The following SNX14 variants were observed in gnomAD, a reference collection of about 807,000 sequenced individuals.
SNX14 encodes sorting nexin-14.
In SNX14, 93 loss-of-function variants were observed where a neutral mutation model predicts 133.8. The ratio of observed to expected loss-of-function variants is 0.70; its 90% confidence interval spans 0.59 to 0.83. The LOEUF is 0.83. Among genes scored for constraint, SNX14 ranks in the 40% least tolerant of loss-of-function variants. SNX14 has a pLI of 0.00. For synonymous variants in SNX14, 368 were observed against 365.6 expected, an observed-to-expected ratio of 1.01 and a Z score of -0.07; for missense variants, 945 against 1,094.9, an observed-to-expected ratio of 0.86 and a Z score of 1.93.
At chr6:85,580,086 C>G (rs1206479777) in intron 1 of SNX14, among the ~76,000 whole-genome samples, 2 of 152,200 alleles carry the variant, frequency 1.3e-5, no homozygotes, top group East Asian at 3.9e-4. Context: ...GACCCTTTCC[C>G]TCTGCTTGAG....
intron 23 of SNX14, among the ~76,000 whole-genome samples, chr6:85,516,413 G>A: frequency 6.6e-6 from 1 of 151,856 alleles, no homozygotes; most frequent in East Asian, 1.9e-4. Context: ...GAAGAATTTT[G>A]TAATTGTTAA....
chr6:85,593,356 G>A (rs1349213825), intron 1 of SNX14, among the ~76,000 whole-genome samples: 1 of 152,230 alleles, frequency 6.6e-6, no homozygotes, highest in East Asian at 1.9e-4. Context: ...TAGCTCAGGA[G>A]ACGAAGCCTC....
At chr6:85,534,426 GCA>G (rs745551897) in intron 17 of SNX14, among the ~76,000 whole-genome samples, 7 of 152,164 alleles carry the variant, frequency 4.6e-5, no homozygotes, top group Admixed American at 1.3e-4. Context: ...CTTAGAACTA[GCA>G]CAGTGTCTTC....
intron 26 of SNX14, among the ~76,000 whole-genome samples, chr6:85,510,200 T>G (rs1772317381): frequency 6.6e-6 from 1 of 152,198 alleles, no homozygotes; most frequent in Non-Finnish European, 1.5e-5. Context: ...TGCTTAGTTT[T>G]GTAAGAAACT....
intron 4 of SNX14, among the ~76,000 whole-genome samples, chr6:85,568,955 GCTTTT>G (rs1401818695): frequency 6.6e-6 from 1 of 151,554 alleles, no homozygotes; most frequent in Non-Finnish European, 1.5e-5. Context: ...CCTAAGTAGT[GCTTTT>G]CTTTTCTTTT....
intron 9 of SNX14, among the ~76,000 whole-genome samples, chr6:85,548,085 G>C (rs982727544): frequency 3.9e-5 from 6 of 152,172 alleles, no homozygotes; most frequent in East Asian, 1.9e-4. Context: ...GGTTGCCAGG[G>C]GGGGCTGGAG....
intron 2 of SNX14, 93 bp from the exon 3 acceptor site, chr6:85,572,467 A>G (rs1203448198): frequency 1.0e-6 from 1 of 973,472 alleles, no homozygotes; most frequent in African/African-American, 1.6e-5. Context: ...TTTAAAATCA[A>G]TGTATAAATT....
At chr6:85,565,276 T>G in intron 6 of SNX14, 56 bp downstream of exon 6, 1 of 1,139,700 alleles carries the variant, frequency 8.8e-7, no homozygotes, top group South Asian at 1.4e-5. Context: ...GTTTTAAATC[T>G]CTTTCATTAA....
At chr6:85,559,801 T>A (rs1427696101) in intron 6 of SNX14, among the ~76,000 whole-genome samples, 1 of 152,080 alleles carries the variant, frequency 6.6e-6, no homozygotes, top group Non-Finnish European at 1.5e-5. Flanking sequence ...AACTCAGTAA[T>A]AAAAAAATAA....
intron 20 of SNX14, among the ~76,000 whole-genome samples, chr6:85,526,753 C>A (rs1778608098): frequency 6.6e-6 from 1 of 152,178 alleles, no homozygotes; most frequent in Admixed American, 6.6e-5. Context: ...GTTGTCTGTT[C>A]TTCCTGCAAC....
Position 85,505,675 on chromosome 6 carries a change from C to G in SNX14, c.*292G>C. ...CAAAGCTATACAATACGAAGTTTAT[C>G]AGTCTTATCTGTTTGCCATAACATC... On this transcript the variant is annotated 3_prime_UTR_variant, in exon 29 of 29. Transcript: ENST00000314673. 1 of 340,710 alleles carries G rather than the reference C, an allele frequency of 2.9e-6. No homozygotes were observed. The highest frequency in any genetic ancestry group is 5.3e-6 in the Non-Finnish European group (1 of 189,404). 21.1% of individuals were successfully genotyped at this position (340,710 alleles called of 1,614,324 possible). A position where few individuals can be genotyped will look rare whatever the true frequency, so the allele number is the denominator to read the frequency against.
At chr6:85,588,118 C>T (rs1583162056) in intron 1 of SNX14, among the ~76,000 whole-genome samples, 1 of 151,718 alleles carries the variant, frequency 6.6e-6, no homozygotes, top group East Asian at 1.9e-4. Context: ...AGTGAAACCT[C>T]GTCTGTACAC....
chr6:85,516,997 G>A (rs1223803454), intron 23 of SNX14, among the ~76,000 whole-genome samples: 3 of 152,052 alleles, frequency 2.0e-5, no homozygotes, highest in African/African-American at 4.8e-5. Flanking sequence ...CACACTATTC[G>A]ATGGTGAAAT....
At chr6:85,591,362 T>A (rs1802706640) in intron 1 of SNX14, among the ~76,000 whole-genome samples, 1 of 152,312 alleles carries the variant, frequency 6.6e-6, no homozygotes, top group South Asian at 2.1e-4. Flanking sequence ...ATCATGGTTT[T>A]ATTCAAGACA....
chr6:85,507,220 G>A lies in SNX14; in HGVS notation c.2802+13C>T, dbSNP rs1771012890. ...TAAGAAAATCATGAATAAAATTACT[G>A]CTTTTCAGTTACCTTATTGAGCTCT... On this transcript the variant is annotated intron_variant, in intron 28 of 28. Coordinates refer to ENST00000314673, the MANE Select transcript of SNX14 (RefSeq NM_153816.6). 6.2e-7 allele frequency: 1 copy of A among 1,604,040 alleles called. No homozygotes were observed. The highest frequency in any genetic ancestry group is 1.7e-5 in the Admixed American group (1 of 58,804).
intron 6 of SNX14, chr6:85,561,069 C>T (rs533517494): frequency 6.7e-6 from 1 of 148,338 alleles, no homozygotes; most frequent in African/African-American, 2.5e-5. Context: ...CACGGTGGCT[C>T]ACATCTGTAA....
At chr6:85,582,777 T>A (rs191837741) in intron 1 of SNX14, among the ~76,000 whole-genome samples, 32 of 152,250 alleles carry the variant, frequency 2.1e-4, no homozygotes, top group African/African-American at 5.8e-4. Flanking sequence ...GAGGCAGTAA[T>A]TAATAGCCTA....
At chr6:85,581,986 C>T (rs1368372334) in intron 1 of SNX14, 1 of 151,984 alleles carries the variant, frequency 6.6e-6, no homozygotes, top group African/African-American at 2.4e-5. Flanking sequence ...TGTTCAAGTA[C>T]AAGAAGATTA....
chr6:85,591,596 A>C (rs1322897979), intron 1 of SNX14, among the ~76,000 whole-genome samples: 1 of 152,198 alleles, frequency 6.6e-6, no homozygotes, highest in Non-Finnish European at 1.5e-5. Flanking sequence ...AAATGTTATG[A>C]CCATAAGTAG....
Sources: allele counts gnomAD v4.1 joint callset (sites outside exome capture counted in the v4.1 genomes callset), GRCh38; gene constraint gnomAD v4.1.1; transcripts MANE v1.5; gene names NCBI Gene and HGNC (gene_info 2026-07-23, HGNC 2026-07-21).